Variants in SCYL2 observed in about 807,000 individuals in gnomAD.
The protein encoded by SCYL2 is SCY1-like protein 2.
In SCYL2, 36 loss-of-function variants were observed where a neutral mutation model predicts 100.4. The ratio of observed to expected loss-of-function variants is 0.36; its 90% CI spans 0.27 to 0.47. The LOEUF is 0.47. SCYL2 is among the 20% of genes least tolerant of loss of function. The pLI is 1.00. For missense variants in SCYL2, 902 were observed against 1,083.9 expected, an observed-to-expected ratio of 0.83 and a Z score of 2.36; for synonymous variants, 330 against 359.2, an observed-to-expected ratio of 0.92 and a Z score of 0.92.
chr12:100,309,677 T>C (rs2135896345), intron 4 of SCYL2, among the ~76,000 whole-genome samples: 1 of 152,378 alleles, frequency 6.6e-6, no homozygotes, highest in East Asian at 1.9e-4. Context: ...CCCAGTCATC[T>C]GTCAATGGAC....
At chr12:100,298,786 G>A (rs565375738) in intron 4 of SCYL2, among the ~76,000 whole-genome samples, 169 of 152,256 alleles carry the variant, frequency 1.1e-3, no homozygotes, top group African/African-American at 3.9e-3. Context: ...GTTTCATCAT[G>A]TTGGCCAGGC....
intron 3 of SCYL2, among the ~76,000 whole-genome samples, chr12:100,295,187 G>A (rs1443545586): frequency 9.3e-5 from 14 of 151,262 alleles, no homozygotes; most frequent in South Asian, 2.1e-4. Context: ...GATGGCGGCC[G>A]GACGGAGACG....
chr12:100,267,215 C>T lies in SCYL2; in HGVS notation c.-606C>T, dbSNP rs1243251403. 4.5e-6 allele frequency: 4 copies of T among 890,660 alleles called. No homozygotes were observed. Among genetic ancestry groups the T allele is most frequent in the South Asian group, 1.8e-5 (1 of 56,162 alleles). The allele number at this position is 890,660 out of a possible 1,614,324, so 55.2% of individuals were successfully genotyped here. A position where few individuals can be genotyped will look rare whatever the true frequency, so the allele number is the denominator to read the frequency against. On this transcript the variant is annotated 5_prime_UTR_variant, in exon 1 of 18. Coordinates refer to ENST00000360820, the MANE Select transcript of SCYL2 (RefSeq NM_017988.6). The stretch of plus-strand genomic sequence containing the variant: ...CTCCCTTACTCTTCGTCCCCGGTCC[C>T]TCCCCTCCCCACCCCTTTCCTTCTA...
intron 17 of SCYL2, 94 bp downstream of exon 17, chr12:100,337,600 A>G (rs996228632): frequency 5.1e-6 from 6 of 1,172,190 alleles, no homozygotes; most frequent in Non-Finnish European, 7.5e-6. Context: ...GTATAAAAAT[A>G]TATCTCAAAT....
At chr12:100,279,951 A>C (rs2096296323) in intron 1 of SCYL2, among the ~76,000 whole-genome samples, 1 of 152,224 alleles carries the variant, frequency 6.6e-6, no homozygotes, top group Admixed American at 6.5e-5. Context: ...TGTATCTCAG[A>C]ACTTTCATCT....
At chr12:100,285,591 G>A (rs1422525120) in intron 2 of SCYL2, among the ~76,000 whole-genome samples, 1 of 152,112 alleles carries the variant, frequency 6.6e-6, no homozygotes, top group Non-Finnish European at 1.5e-5. Flanking sequence ...GACATTCTGG[G>A]TGGAGGGTTT....
intron 3 of SCYL2, 97 bp downstream of exon 3, chr12:100,291,757 A>C: frequency 3.4e-6 from 4 of 1,189,200 alleles, no homozygotes; most frequent in South Asian, 3.1e-5. Flanking sequence ...TCAGTGAAAA[A>C]TTCTTATACT....
At chr12:100,327,315 A>C in intron 12 of SCYL2, 1 of 197,346 alleles carries the variant, frequency 5.1e-6, no homozygotes, top group South Asian at 7.2e-5. Context: ...CTGATGAAGC[A>C]TGTTAACCTT....
intron 14 of SCYL2, among the ~76,000 whole-genome samples, chr12:100,334,635 T>C (rs1952253042): frequency 6.6e-6 from 1 of 152,180 alleles, no homozygotes; most frequent in African/African-American, 2.4e-5. Context: ...TTCTAGTGTT[T>C]TGATTTTTTT....
intron 1 of SCYL2, among the ~76,000 whole-genome samples, 168 bp from the exon 2 acceptor site, chr12:100,282,775 C>G (rs2096300305): frequency 6.6e-6 from 1 of 152,180 alleles, no homozygotes; most frequent in Non-Finnish European, 1.5e-5. Flanking sequence ...TAAATTTGTA[C>G]TAAAGTGTAT....
chr12:100,335,617 T>C lies in SCYL2; in HGVS notation c.1863-8T>C, dbSNP rs1165012886. The C allele has an allele frequency of 5.1e-6, 8 of 1,572,650 alleles. No individual in the cohort carries two copies. Among genetic ancestry groups the C allele is most frequent in the Non-Finnish European group, 6.1e-6 (7 of 1,153,152 alleles). Reference sequence around the variant, plus strand: ...TTATTGTTTTATCATAATTCAACTCTCCTACAGATCTTTGGATATAGGAAA... The same window carrying C: ...TTATTGTTTTATCATAATTCAACTCCCCTACAGATCTTTGGATATAGGAAA... On this transcript the variant is annotated splice_region_variant and splice_polypyrimidine_tract_variant and intron_variant, in intron 14 of 17. Coordinates refer to ENST00000360820, the MANE Select transcript of SCYL2 (RefSeq NM_017988.6).
In SCYL2 at chr12:100,323,631, C is replaced by G. The variant is rs780224784; in HGVS notation, c.1502C>G (p.Ser501Cys). 1.3e-6 allele frequency: 2 copies of G among 1,554,466 alleles called. No homozygotes were observed. The highest frequency in any genetic ancestry group is 1.8e-5 in the Admixed American group (1 of 54,554). The part of the protein sequence containing the change: ...RIKNACLQTS[S>C]LAVRVNSLVC... ...AAAAATGCTTGTCTACAAACATCTT[C>G]CCTTGCGGTAAGTAATTGCATATTA... Residue 501 changes from serine (S) to cysteine (C), a missense_variant, in exon 11 of 18, where the codon TCC becomes TGC. Coordinates refer to ENST00000360820, the MANE Select transcript of SCYL2 (RefSeq NM_017988.6).
chr12:100,335,733 G>A, intron 15 of SCYL2, 42 bp downstream of exon 15: 1 of 1,588,218 alleles, frequency 6.3e-7, no homozygotes, highest in African/African-American at 1.3e-5. Flanking sequence ...TGCTTCATCT[G>A]GAGGGCTTTT....
chr12:100,280,560 G>A (rs932117380), intron 1 of SCYL2, among the ~76,000 whole-genome samples: 2 of 152,130 alleles, frequency 1.3e-5, no homozygotes, highest in Non-Finnish European at 2.9e-5. Flanking sequence ...GATGTCAACA[G>A]ACATCATCAC....
At chr12:100,277,523 C>T (rs941331106) in intron 1 of SCYL2, among the ~76,000 whole-genome samples, 1 of 152,162 alleles carries the variant, frequency 6.6e-6, no homozygotes, top group African/African-American at 2.4e-5. Context: ...TCTTTGTCTT[C>T]AAGCTTATTC....
intron 13 of SCYL2, among the ~76,000 whole-genome samples, chr12:100,332,283 C>T (rs914046549): frequency 1.3e-5 from 2 of 152,160 alleles, no homozygotes; most frequent in Non-Finnish European, 1.5e-5. Context: ...AAATTCCAAA[C>T]TCCCAGAAGG....
intron 1 of SCYL2, among the ~76,000 whole-genome samples, chr12:100,281,019 GTTTTTTTTTTTTTTT>G (rs202048587): frequency 9.9e-5 from 5 of 50,466 alleles, no homozygotes; most frequent in Admixed American, 2.4e-4. Flanking sequence ...TACCATCAGT[GTTTTTTTTTTTTTTT>G]TTTTTTTTTT....
intron 2 of SCYL2, among the ~76,000 whole-genome samples, chr12:100,285,979 T>TATAC (rs1002799942): frequency 5.3e-5 from 8 of 152,142 alleles, no homozygotes; most frequent in Non-Finnish European, 1.0e-4. Flanking sequence ...ATGTTTACCG[T>TATAC]ATACATACAT....
intron 4 of SCYL2, among the ~76,000 whole-genome samples, chr12:100,302,387 C>T (rs2096328885): frequency 6.6e-6 from 1 of 152,158 alleles, no homozygotes; most frequent in African/African-American, 2.4e-5. Context: ...TTTGCAGTGG[C>T]TGGTACCAGT....
Sources: allele counts gnomAD v4.1 joint callset (sites outside exome capture counted in the v4.1 genomes callset), GRCh38; gene constraint gnomAD v4.1.1; transcripts MANE v1.5; gene names NCBI Gene and HGNC (gene_info 2026-07-23, HGNC 2026-07-21).